The following AHCTF1 variants were observed in gnomAD, a reference collection of about 807,000 sequenced individuals.
The protein encoded by AHCTF1 is protein ELYS.
AHCTF1 carries 24 observed loss-of-function variants against 248.4 expected under a neutral mutation model. The observed-to-expected ratio is 0.10, with a 90% CI of 0.07 to 0.14. The LOEUF (loss-of-function observed/expected upper bound fraction) is 0.14. Ranked by LOEUF, AHCTF1 falls within the 10% of genes least tolerant of loss-of-function variation. The pLI is 1.00. For synonymous variants in AHCTF1, 786 were observed against 929.8 expected (o/e 0.85, Z 2.81); for missense variants, 2,206 against 2,636.2 (o/e 0.84, Z 3.57).
chr1:246,906,010 G>A (rs752525155), intron 5 of AHCTF1, among the ~76,000 whole-genome samples: 1 of 152,158 alleles, frequency 6.6e-6, no homozygotes, highest in Non-Finnish European at 1.5e-5. Context: ...TGTGTAAACT[G>A]GTCCTAAGAG....
intron 4 of AHCTF1, 78 bp from the exon 5 acceptor site, chr1:246,907,836 G>T: frequency 8.2e-7 from 1 of 1,225,534 alleles, no homozygotes; most frequent in Non-Finnish European, 1.1e-6. Context: ...CATTATTCAA[G>T]CTGCAAATGA....
intron 1 of AHCTF1, among the ~76,000 whole-genome samples, chr1:246,926,998 T>C (rs61854046): frequency 0.022 from 3,341 of 151,044 alleles, 52 homozygotes; most frequent in Middle Eastern, 0.034. Context: ...CAAGGTGAAA[T>C]CCCGTCTCTA....
chr1:246,844,736 T>C (rs988470397), intron 33 of AHCTF1, among the ~76,000 whole-genome samples: 5 of 150,472 alleles, frequency 3.3e-5, no homozygotes, highest in African/African-American at 7.3e-5. Context: ...AGATATTCCA[T>C]AGAAAAATAA....
At chr1:246,926,162 A>G (rs1666908103) in intron 1 of AHCTF1, among the ~76,000 whole-genome samples, 1 of 151,894 alleles carries the variant, frequency 6.6e-6, no homozygotes, top group African/African-American at 2.4e-5. Context: ...CACCCTCACC[A>G]GAAGGTAGGC....
intron 30 of AHCTF1, among the ~76,000 whole-genome samples, chr1:246,856,893 G>A (rs1661146403): frequency 6.6e-6 from 1 of 152,184 alleles, no homozygotes; most frequent in African/African-American, 2.4e-5. Flanking sequence ...CATTTATAAT[G>A]TTGTAAGTTA....
intron 34 of AHCTF1, among the ~76,000 whole-genome samples, chr1:246,843,354 G>A (rs773936757): frequency 2.6e-5 from 4 of 152,242 alleles, no homozygotes; most frequent in African/African-American, 4.8e-5. Context: ...GAATTTGCCT[G>A]AATTATTCTT....
intron 8 of AHCTF1, among the ~76,000 whole-genome samples, chr1:246,900,677 A>T (rs939335462): frequency 2.0e-5 from 3 of 152,218 alleles, no homozygotes; most frequent in Admixed American, 2.0e-4. Context: ...GCCTTATTAA[A>T]AAGTAGTCAC....
intron 11 of AHCTF1, 42 bp from the exon 12 acceptor site, chr1:246,898,378 T>G (rs767227682): frequency 1.9e-6 from 3 of 1,554,536 alleles, no homozygotes; most frequent in Non-Finnish European, 2.6e-6. Context: ...AATGCTCAAT[T>G]TGAATAATCA....
chr1:246,881,165 T>C (rs1663376424), intron 21 of AHCTF1, among the ~76,000 whole-genome samples: 2 of 152,156 alleles, frequency 1.3e-5, no homozygotes, highest in Admixed American at 1.3e-4. Flanking sequence ...ATACAGAATA[T>C]AAATAAAAAA....
intron 31 of AHCTF1, among the ~76,000 whole-genome samples, chr1:246,854,671 T>C (rs1459476552): frequency 6.6e-6 from 1 of 152,190 alleles, no homozygotes; most frequent in Non-Finnish European, 1.5e-5. Context: ...ACACTTTACA[T>C]GCAAGGGGCT....
rs1255956053 is a variant in AHCTF1 at position 246,840,433 on chromosome 1, T to C, written c.*373A>G. Reference sequence around the variant, plus strand: ...AATATCAATACTTCAATCATCCCCATTTTAAGACTGGTCTAGTATTTTAAT... The same window carrying C: ...AATATCAATACTTCAATCATCCCCACTTTAAGACTGGTCTAGTATTTTAAT... On this transcript the variant is annotated 3_prime_UTR_variant, in exon 36 of 36. Coordinates refer to ENST00000648844, the MANE Select transcript of AHCTF1 (RefSeq NM_001323342.2). 6.5e-6 allele frequency: 1 copy of C among 153,528 alleles called. No homozygotes were observed. The highest frequency in any genetic ancestry group is 1.5e-5 in the Non-Finnish European group (1 of 68,700). The allele number at this position is 153,528 out of a possible 1,614,324, so 9.5% of individuals were successfully genotyped here. A position where few individuals can be genotyped will look rare whatever the true frequency, so the allele number is the denominator to read the frequency against.
intron 1 of AHCTF1, among the ~76,000 whole-genome samples, chr1:246,921,817 T>C (rs935882345): frequency 7.2e-5 from 11 of 152,176 alleles, no homozygotes; most frequent in African/African-American, 2.7e-4. Flanking sequence ...CAAAAAAGTT[T>C]GCTTAAAGGA....
intron 1 of AHCTF1, among the ~76,000 whole-genome samples, chr1:246,918,767 C>T (rs1016329010): frequency 1.1e-4 from 17 of 152,330 alleles, no homozygotes; most frequent in African/African-American, 3.6e-4. Flanking sequence ...TTAAGCCAGA[C>T]GTACTAAGGA....
chr1:246,901,353 C>T (rs1453778554), intron 8 of AHCTF1, among the ~76,000 whole-genome samples: 1 of 150,900 alleles, frequency 6.6e-6, no homozygotes, highest in Non-Finnish European at 1.5e-5. Context: ...AAAACAAAAA[C>T]AGGCCAGGTG....
At chr1:246,922,034 A>G (rs531000218) in intron 1 of AHCTF1, among the ~76,000 whole-genome samples, 2 of 152,240 alleles carry the variant, frequency 1.3e-5, no homozygotes, top group East Asian at 1.9e-4. Context: ...ATACATTGGT[A>G]TATTTTAGAC....
chr1:246,894,625 A>C lies in AHCTF1; in HGVS notation c.1804+34T>G, dbSNP rs767423089. 9.9e-6 allele frequency: 15 copies of C among 1,514,424 alleles called. No homozygotes were observed. Among genetic ancestry groups the C allele is most frequent in the Non-Finnish European group, 1.4e-5 (15 of 1,097,088 alleles). The allele number at this position is 1,514,424 out of a possible 1,614,324, so 93.8% of individuals were successfully genotyped here. A position where few individuals can be genotyped will look rare whatever the true frequency, so the allele number is the denominator to read the frequency against. On this transcript the variant is annotated intron_variant, in intron 14 of 35. Transcript: ENST00000648844. ...AACCAAGGTTAGTATTTTAATATTA[A>C]ATTCTGTCCTACATCTAGACCTCTA...
chr1:246,888,198 A>C lies in AHCTF1; in HGVS notation c.2304T>G (p.Thr768=), dbSNP rs776411680. The part of the protein sequence containing the change: ...VLDMYLLDGV[T]EAAKHSITIY... ...ATACAATAGAGTGTTTGGCTGCTTC[A>C]GTAACGCCGTCTAATAGGTACATAT... The change falls in exon 19 of 36, where the codon ACT becomes ACG. Residue 768 remains threonine, a synonymous_variant. Coordinates refer to ENST00000648844, the MANE Select transcript of AHCTF1 (RefSeq NM_001323342.2). 31 of 1,613,986 alleles carry C rather than the reference A, an allele frequency of 1.9e-5. No individual in the cohort carries two copies. The highest frequency in any genetic ancestry group is 2.4e-5 in the Non-Finnish European group (28 of 1,179,964).
intron 1 of AHCTF1, among the ~76,000 whole-genome samples, chr1:246,924,725 T>C (rs973598377): frequency 1.3e-5 from 2 of 152,230 alleles, no homozygotes; most frequent in African/African-American, 4.8e-5. Context: ...AAAAACTTGA[T>C]GGACTGCCTC....
At chr1:246,926,983 G>A (rs1451939703) in intron 1 of AHCTF1, among the ~76,000 whole-genome samples, 1 of 151,674 alleles carries the variant, frequency 6.6e-6, no homozygotes, top group Non-Finnish European at 1.5e-5. Flanking sequence ...GACCATCCTG[G>A]CTAACAAGGT....
Sources: allele counts gnomAD v4.1 joint callset (sites outside exome capture counted in the v4.1 genomes callset), GRCh38; gene constraint gnomAD v4.1.1; transcripts MANE v1.5; gene names NCBI Gene and HGNC (gene_info 2026-07-23, HGNC 2026-07-21).